The following HCFC2 variants were observed in gnomAD, a reference collection of about 807,000 sequenced individuals.
The protein encoded by HCFC2 is host cell factor C2, also known as host cell factor 2.
Under a neutral mutation model 89.2 loss-of-function variants are expected in HCFC2, and 18 were observed. The ratio of observed to expected loss-of-function variants is 0.20; its 90% CI spans 0.14 to 0.30. The LOEUF is 0.30. Ranked by LOEUF, HCFC2 falls within the 10% of genes least tolerant of loss-of-function variation. HCFC2 has a pLI of 1.00. For missense variants in HCFC2, 578 were observed against 956.1 expected (o/e 0.60, Z 5.21); for synonymous variants, 308 against 335.7 (o/e 0.92, Z 0.90).
chr12:104,096,723 G>T (rs1372747427), intron 12 of HCFC2, among the ~76,000 whole-genome samples: 1 of 152,046 alleles, frequency 6.6e-6, no homozygotes, highest in South Asian at 2.1e-4. Context: ...AAATCCAGGT[G>T]GGGGGCCACA....
intron 9 of HCFC2, among the ~76,000 whole-genome samples, chr12:104,089,994 G>T (rs1470310268): frequency 6.6e-6 from 1 of 152,072 alleles, no homozygotes; most frequent in Non-Finnish European, 1.5e-5. Flanking sequence ...CTGCTGCACA[G>T]CTGTCACCTT....
chr12:104,086,786 A>T, intron 7 of HCFC2, 61 bp from the exon 8 acceptor site: 1 of 1,470,874 alleles, frequency 6.8e-7, no homozygotes, highest in Non-Finnish European at 9.4e-7. Context: ...CACACAAATT[A>T]TATCAGCAAA....
chr12:104,079,567 G>A lies in HCFC2; in HGVS notation c.596G>A (p.Cys199Tyr). The A allele has an allele frequency of 6.2e-7, 1 of 1,614,046 alleles. No homozygotes were observed. Among genetic ancestry groups the A allele is most frequent in the South Asian group, 1.1e-5 (1 of 91,088 alleles). The change falls in exon 4 of 15, where the codon TGC becomes TAC. Residue 199 changes from cysteine (C) to tyrosine (Y), a missense_variant. Transcript: ENST00000229330. ...GAATCCCACACAGCTGTTATATATT[G>A]CAAAAAAGATTCTGGAAGTCCTAAA... ...PRESHTAVIY[C>Y]KKDSGSPKMY... is the part of the protein sequence containing the mutation.
At chr12:104,086,049 G>T (rs1186951845) in intron 7 of HCFC2, among the ~76,000 whole-genome samples, 2 of 146,176 alleles carry the variant, frequency 1.4e-5, no homozygotes. Context: ...CCAGGCTGGA[G>T]TGCAGTGTTG....
chr12:104,097,131 T>G (rs1884200728), intron 12 of HCFC2, among the ~76,000 whole-genome samples: 2 of 152,098 alleles, frequency 1.3e-5, no homozygotes, highest in South Asian at 2.1e-4. Context: ...CTTTTGAGGT[T>G]TTTTTTTGTT....
rs1043861792 is a variant in HCFC2, at chr12:104,103,678, ACCTTTGAGTACT to A, written c.*410_*421del. On this transcript the variant is annotated 3_prime_UTR_variant, in exon 15 of 15. Transcript: ENST00000229330. ...ATGTTCTCTACATTGTAAATGTCCT[ACCTTTGAGTACT>A]CCTTCTATCTTTATTCTATATGAGC... The A allele has an allele frequency of 6.2e-6, 1 of 160,440 alleles. No individual in the cohort carries two copies. Among genetic ancestry groups the A allele is most frequent in the African/African-American group, 2.4e-5 (1 of 41,494 alleles). 9.9% of individuals were successfully genotyped at this position (160,440 alleles called of 1,614,324 possible).
At chr12:104,093,996 G>C (rs972828070) in intron 10 of HCFC2, among the ~76,000 whole-genome samples, 4 of 152,104 alleles carry the variant, frequency 2.6e-5, no homozygotes, top group African/African-American at 9.7e-5. Flanking sequence ...TATTAGACTT[G>C]ACAACTGGTT....
intron 12 of HCFC2, 177 bp from the exon 13 acceptor site, chr12:104,098,166 T>A (rs1434693910): frequency 2.1e-6 from 1 of 477,528 alleles, no homozygotes; most frequent in Non-Finnish European, 3.7e-6. Context: ...TGAATTGGCA[T>A]CCCTGTTTCA....
chr12:104,074,783 A>T (rs1883445014), intron 3 of HCFC2, among the ~76,000 whole-genome samples: 1 of 152,036 alleles, frequency 6.6e-6, no homozygotes, highest in Admixed American at 6.6e-5. Context: ...TTGTAATCTG[A>T]TTTGAGTATC....
At chr12:104,086,786 A>G in intron 7 of HCFC2, 61 bp from the exon 8 acceptor site, 1 of 1,470,874 alleles carries the variant, frequency 6.8e-7, no homozygotes, top group East Asian at 2.3e-5. Flanking sequence ...CACACAAATT[A>G]TATCAGCAAA....
chr12:104,083,766 C>CT (rs1278609878), intron 7 of HCFC2, among the ~76,000 whole-genome samples: 10 of 152,096 alleles, frequency 6.6e-5, no homozygotes, highest in African/African-American at 2.4e-4. Context: ...TGGCTCACAC[C>CT]TGTAATCCTA....
In HCFC2 at chr12:104,093,437, A is replaced by G; in HGVS notation, c.1336A>G (p.Thr446Ala). Residue 446 changes from threonine (T) to alanine (A), a missense_variant, in exon 10 of 15, where the codon ACT becomes GCT. Transcript: ENST00000229330. Reference protein sequence around the residue: ...TKTEQPATKETSMKNKPDFKA... With the variant: ...TKTEQPATKEASMKNKPDFKA... ...AACTGAACAGCCAGCCACAAAAGAA[A>G]CTTCAATGAAAAACAAACCAGACTT... The G allele has an allele frequency of 6.2e-7, 1 of 1,613,468 alleles. No homozygotes were observed. The highest frequency in any genetic ancestry group is 8.5e-7 in the Non-Finnish European group (1 of 1,179,678).
intron 7 of HCFC2, 51 bp from the exon 8 acceptor site, chr12:104,086,796 A>G (rs564327918): frequency 2.0e-6 from 3 of 1,521,694 alleles, no homozygotes; most frequent in Non-Finnish European, 2.7e-6. Context: ...ATATCAGCAA[A>G]CCATTTATAC....
intron 4 of HCFC2, 108 bp from the exon 5 acceptor site, chr12:104,080,638 A>G: frequency 3.3e-6 from 2 of 611,908 alleles, no homozygotes; most frequent in Non-Finnish European, 5.6e-6. Context: ...GTTCTAAAAT[A>G]CTTTGTTTCA....
intron 14 of HCFC2, 77 bp from the exon 15 acceptor site, chr12:104,102,882 A>AAGATAGAC (rs2029990715): frequency 1.7e-6 from 2 of 1,189,032 alleles, no homozygotes; most frequent in Middle Eastern, 2.4e-4. Flanking sequence ...TTGTATTCTA[A>AAGATAGAC]AGATAGACTC....
rs181555169 is a variant in HCFC2 at position 104,067,893 on chromosome 12, T to A, written c.313-54T>A. 9.2e-5 allele frequency: 139 copies of A among 1,507,566 alleles called. 1 individual carries two copies. The African/African-American group carries it at 1.9e-3, about 20-fold the overall frequency. 93.4% of individuals were successfully genotyped at this position (1,507,566 alleles called of 1,614,324 possible). On this transcript the variant is annotated intron_variant, in intron 2 of 14. Coordinates refer to ENST00000229330, the MANE Select transcript of HCFC2 (RefSeq NM_013320.3). ...ATATGATGTTGCACTATTGACAATA[T>A]AGGAGTGCTTTCTTGATTTTGTCTG...
At chr12:104,084,714 C>T (rs1005423732) in intron 7 of HCFC2, among the ~76,000 whole-genome samples, 1 of 152,110 alleles carries the variant, frequency 6.6e-6, no homozygotes, top group African/African-American at 2.4e-5. Context: ...GTGCACACTG[C>T]AAGACAAGTT....
chr12:104,106,036 GTTTAATAA>G lies in HCFC2; in HGVS notation c.*2764_*2771del. ...AAAATATCATATTGGCTTCATTTTA[GTTTAATAA>G]ACTTCTTTGGCAACTTAATTAGACA... On this transcript the variant is annotated 3_prime_UTR_variant, in exon 15 of 15. Transcript: ENST00000229330. 6.6e-6 allele frequency: 1 copy of G among 151,946 alleles called. No homozygotes were observed. The highest frequency in any genetic ancestry group is 1.5e-5 in the Non-Finnish European group (1 of 67,926). 9.4% of individuals were successfully genotyped at this position (151,946 alleles called of 1,614,324 possible). A position where few individuals can be genotyped will look rare whatever the true frequency, so the allele number is the denominator to read the frequency against.
intron 13 of HCFC2, 132 bp downstream of exon 13, chr12:104,098,612 C>T: frequency 1.2e-6 from 1 of 844,640 alleles, no homozygotes; most frequent in Non-Finnish European, 1.8e-6. Context: ...ATTCAGGTCA[C>T]TTGAATGAGT....
Sources: gnomAD v4.1 joint callset for allele counts (sites outside exome capture counted in the v4.1 genomes callset) on GRCh38, gnomAD v4.1.1 for gene constraint, MANE v1.5 for transcripts, NCBI Gene and HGNC (gene_info 2026-07-23, HGNC 2026-07-21) for gene names.